Variants in SEPSECS observed in about 807,000 individuals in gnomAD.
SEPSECS encodes O-phosphoseryl-tRNA(Sec) selenium transferase.
Under a neutral mutation model 52.1 loss-of-function variants are expected in SEPSECS, and 42 were observed. The observed-to-expected ratio is 0.81, with a 90% CI of 0.63 to 1.04. The LOEUF is 1.04. Among genes scored for constraint, SEPSECS ranks in the 50% least tolerant of loss-of-function variants. The pLI is 0.00. For missense variants in SEPSECS, 590 were observed against 610.6 expected (o/e 0.97, Z 0.36); for synonymous variants, 216 against 211.4 (o/e 1.02, Z -0.19).
chr4:25,155,086 CTGCTT>C lies in SEPSECS; in HGVS notation c.608_612del (p.Lys203SerfsTer4). ...CCAAGTTCCTGGACTTTAGCCTCCA[CTGCTT>C]TCAGGTCTGTACGCAGCTCGTCACC... On this transcript the variant is annotated frameshift_variant, in exon 5 of 11. Transcript: ENST00000382103. LOFTEE classifies it high-confidence loss of function. 6.2e-7 allele frequency: 1 copy of C among 1,614,184 alleles called. No individual in the cohort carries two copies. The highest frequency in any genetic ancestry group is 8.5e-7 in the Non-Finnish European group (1 of 1,180,022).
intron 10 of SEPSECS, chr4:25,125,290 T>TC (rs1728313295): frequency 5.8e-6 from 1 of 173,364 alleles, no homozygotes; most frequent in Non-Finnish European, 1.2e-5. Flanking sequence ...GATTGCATAC[T>TC]CTTTTTTTTT....
At position 25,160,386 on chromosome 4, in the gene SEPSECS, G is replaced by A. The variant is rs1435744965; in HGVS notation, c.-17C>T. Reference sequence around the variant, plus strand: ...GCGGTTCATGACAGCGGTGGCGACAGTGGCGAATAAGCGGGAGCACTAGCT... The same window carrying A: ...GCGGTTCATGACAGCGGTGGCGACAATGGCGAATAAGCGGGAGCACTAGCT... On this transcript the variant is annotated 5_prime_UTR_variant, in exon 1 of 11. Coordinates refer to ENST00000382103, the MANE Select transcript of SEPSECS (RefSeq NM_016955.4). 3.9e-6 allele frequency: 6 copies of A among 1,540,064 alleles called. No individual in the cohort carries two copies. The highest frequency in any genetic ancestry group is 2.5e-5 in the East Asian group (1 of 40,668).
At chr4:25,154,960 G>A (rs1560335204) in intron 5 of SEPSECS, 38 bp downstream of exon 5, 1 of 1,599,488 alleles carries the variant, frequency 6.3e-7, no homozygotes, top group East Asian at 2.2e-5. Context: ...TTAAAAGACT[G>A]ATAAACAGCT....
intron 8 of SEPSECS, among the ~76,000 whole-genome samples, chr4:25,128,003 G>A (rs908222313): frequency 6.6e-6 from 1 of 152,028 alleles, no homozygotes; most frequent in Non-Finnish European, 1.5e-5. Context: ...GTCCCTCTTG[G>A]CAAATGCTAA....
intron 8 of SEPSECS, among the ~76,000 whole-genome samples, chr4:25,137,685 T>C (rs1179187720): frequency 2.0e-5 from 3 of 152,110 alleles, no homozygotes; most frequent in Non-Finnish European, 4.4e-5. Context: ...GAACCAGAAA[T>C]GCCATTCGAC....
Position 25,156,955 on chromosome 4 carries a change from G to A in SEPSECS, c.289C>T (p.Arg97Ter), listed in dbSNP as rs1309003036. The A allele has an allele frequency of 3.1e-6, 5 of 1,610,562 alleles. No homozygotes were observed. The highest frequency in any genetic ancestry group is 3.3e-5 in the Admixed American group (2 of 59,998). Residue 97 changes from arginine (R) to a stop codon, truncating the protein, a stop_gained, in exon 3 of 11, where the codon CGA (arginine) becomes TGA (stop). Transcript: ENST00000382103. LOFTEE classifies it high-confidence loss of function. ...TGCACAGCAGAAATATCACCGGATCGTCCAATGCCATGAATGAACCTAAGC... is the reference window on the plus strand; with the variant it reads ...TGCACAGCAGAAATATCACCGGATCATCCAATGCCATGAATGAACCTAAGC... ...RHYRFIHGIG[R>*]SGDISAVQPK...
chr4:25,151,254 G>A (rs1712284472), intron 6 of SEPSECS, among the ~76,000 whole-genome samples: 1 of 152,190 alleles, frequency 6.6e-6, no homozygotes, highest in Non-Finnish European at 1.5e-5. Context: ...CAACTCTCTA[G>A]AAGAGCAATC....
chr4:25,146,992 C>T (rs1289634553), intron 6 of SEPSECS, among the ~76,000 whole-genome samples: 1 of 152,182 alleles, frequency 6.6e-6, no homozygotes, highest in Non-Finnish European at 1.5e-5. Flanking sequence ...AAATCCCAAA[C>T]CCTTAACACA....
intron 5 of SEPSECS, among the ~76,000 whole-genome samples, chr4:25,153,820 T>G (rs531142217): frequency 2.6e-4 from 40 of 152,102 alleles, no homozygotes; most frequent in Non-Finnish European, 4.4e-4. Context: ...TTTTTCTGAC[T>G]GATAAAAATC....
chr4:25,144,938 T>C (rs1421665019), intron 7 of SEPSECS, 66 bp downstream of exon 7: 9 of 1,596,786 alleles, frequency 5.6e-6, no homozygotes, highest in Admixed American at 5.0e-5. Flanking sequence ...TTTACTACAA[T>C]AGCCTATGTA....
rs902781054 is a variant in SEPSECS, at chr4:25,122,405, A to C, written c.*1526T>G. On this transcript the variant is annotated 3_prime_UTR_variant, in exon 11 of 11. Coordinates refer to ENST00000382103, the MANE Select transcript of SEPSECS (RefSeq NM_016955.4). ...TTACAATTCCAAATCAATAAGAAAAATGCAGCCCAGAAGGCAACACAGCAT... is the reference window on the plus strand; with the variant it reads ...TTACAATTCCAAATCAATAAGAAAACTGCAGCCCAGAAGGCAACACAGCAT... 2 of 152,196 alleles carry C rather than the reference A, an allele frequency of 1.3e-5. No homozygotes were observed. The highest frequency in any genetic ancestry group is 2.9e-5 in the Non-Finnish European group (2 of 68,020). 9.4% of individuals were successfully genotyped at this position (152,196 alleles called of 1,614,324 possible).
intron 8 of SEPSECS, among the ~76,000 whole-genome samples, chr4:25,132,392 C>A (rs980513251): frequency 5.9e-5 from 9 of 152,168 alleles, no homozygotes; most frequent in Non-Finnish European, 1.2e-4. Context: ...TTTGCCTCAG[C>A]TTCTCCAGAG....
In SEPSECS at chr4:25,136,182, T is replaced by A. The variant is rs145026510; in HGVS notation, c.1026+8592A>T. Reference sequence around the variant, plus strand: ...CCTCTCTCACCACTCTTATTCAACATACCATTGGAAGTTCTGGCCAGGCCA... The same window carrying A: ...CCTCTCTCACCACTCTTATTCAACAAACCATTGGAAGTTCTGGCCAGGCCA... On this transcript the variant is annotated intron_variant, in intron 8 of 10. Coordinates refer to ENST00000382103, the MANE Select transcript of SEPSECS (RefSeq NM_016955.4). Among the ~76,000 whole-genome samples the A allele has an allele frequency of 3.7e-3, 557 of 152,172 alleles. 6 individuals are homozygous for A. The highest frequency in any genetic ancestry group is 0.013 in the African/African-American group (526 of 41,518).
chr4:25,125,828 A>T, intron 9 of SEPSECS, 44 bp from the exon 10 acceptor site: 1 of 1,197,982 alleles, frequency 8.3e-7, no homozygotes, highest in South Asian at 1.2e-5. Context: ...GTTTACTGGC[A>T]TAAAAATCAC....
At position 25,123,957 on chromosome 4, in the gene SEPSECS, C is replaced by G. The variant is rs574446965; in HGVS notation, c.1480G>C (p.Asp494His). ...MALKLDNVLL[D>H]TYQDASS is the part of the protein sequence containing the mutation. The stretch of plus-strand genomic sequence containing the variant: ...CATGAAGAAGCATCCTGGTATGTGT[C>G]AAGAAGTACATTATCTAGTTTTAAA... Residue 494 changes from aspartate to histidine, a missense_variant, in exon 11 of 11, where the codon GAC becomes CAC. Transcript: ENST00000382103. 7 of 1,613,538 alleles carry G rather than the reference C, an allele frequency of 4.3e-6. 1 individual carries two copies. In the South Asian group the frequency reaches 4.4e-5, roughly 10 times the overall value.
chr4:25,136,264 G>GT (rs1560325883), intron 8 of SEPSECS, among the ~76,000 whole-genome samples: 1 of 152,176 alleles, frequency 6.6e-6, no homozygotes, highest in Admixed American at 6.5e-5. Context: ...AAGTCAAACT[G>GT]TCTCTGGTTG....
intron 10 of SEPSECS, among the ~76,000 whole-genome samples, chr4:25,124,473 A>T (rs1430741679): frequency 6.6e-6 from 1 of 152,148 alleles, no homozygotes; most frequent in Non-Finnish European, 1.5e-5. Context: ...AAGACCTATA[A>T]GCTCTAGGAA....
chr4:25,148,246 G>A (rs1370651719), intron 6 of SEPSECS, among the ~76,000 whole-genome samples: 2 of 151,760 alleles, frequency 1.3e-5, no homozygotes, highest in Admixed American at 6.6e-5. Flanking sequence ...CCAGCTACTC[G>A]GGAGGCTGAG....
In SEPSECS at chr4:25,121,926, C is replaced by T. The variant is rs1728143296; in HGVS notation, c.*2005G>A. The T allele has an allele frequency of 6.6e-6, 1 of 152,126 alleles. No homozygotes were observed. The highest frequency in any genetic ancestry group is 6.6e-5 in the Admixed American group (1 of 15,266). The allele number at this position is 152,126 out of a possible 1,614,324, so 9.4% of individuals were successfully genotyped here. A position where few individuals can be genotyped will look rare whatever the true frequency, so the allele number is the denominator to read the frequency against. On this transcript the variant is annotated 3_prime_UTR_variant, in exon 11 of 11. Coordinates refer to ENST00000382103, the MANE Select transcript of SEPSECS (RefSeq NM_016955.4). The stretch of plus-strand genomic sequence containing the variant: ...CCTTTCTTAAGCTAAATGATGATCA[C>T]AACAATATAGATCACTTGTTCTATA...
Sources: allele counts gnomAD v4.1 joint callset (sites outside exome capture counted in the v4.1 genomes callset), GRCh38; gene constraint gnomAD v4.1.1; transcripts MANE v1.5; gene names NCBI Gene and HGNC (gene_info 2026-07-23, HGNC 2026-07-21).